ULK4: variants seen among roughly 807,000 people sequenced by gnomAD.
ULK4 encodes inactive serine/threonine-protein kinase ULK4.
In ULK4, 133 loss-of-function variants were observed where a neutral mutation model predicts 160.6. That is an observed-to-expected ratio of 0.83 (90% CI 0.72 to 0.96). The LOEUF is 0.96. Ranked by LOEUF, ULK4 falls within the 40% of genes least tolerant of loss-of-function variation. The probability of loss-of-function intolerance (pLI) is 0.00; values close to 1 mark genes in which losing one functional copy is unlikely to be tolerated. For missense variants in ULK4, 1,580 were observed against 1,499.5 expected (o/e 1.05, Z -0.89); for synonymous variants, 534 against 539.8 (o/e 0.99, Z 0.15).
At chr3:41,560,206 T>C (rs1190594646) in intron 32 of ULK4, among the ~76,000 whole-genome samples, 1 of 152,220 alleles carries the variant, frequency 6.6e-6, no homozygotes, top group Non-Finnish European at 1.5e-5. Context: ...GCCTCTGTTC[T>C]GTTCCATTGG....
At chr3:41,297,311 G>A (rs2079689958) in intron 35 of ULK4, among the ~76,000 whole-genome samples, 1 of 152,168 alleles carries the variant, frequency 6.6e-6, no homozygotes, top group Non-Finnish European at 1.5e-5. Flanking sequence ...GAGGGACATG[G>A]CTTCTTCCTG....
At position 41,564,449 on chromosome 3, in the gene ULK4, C is replaced by CTT. The variant is rs71075476; in HGVS notation, c.3226+1574_3226+1575dup. ...GACAGGGACGTTTCTTCTTCTTCTT[C>CTT]TTTTTTTTTTTTTTTTTTTTTTTTT... On this transcript the variant is annotated intron_variant, in intron 32 of 36. Transcript: ENST00000301831. Among the ~76,000 whole-genome samples the CTT allele has an allele frequency of 1.2e-3, 99 of 80,968 alleles. 4 individuals are homozygous for CTT. The highest frequency in any genetic ancestry group is 4.3e-3 in the East Asian group (10 of 2,328). The allele number at this position is 80,968 out of a possible 152,430, so 53.1% of individuals were successfully genotyped here. A position where few individuals can be genotyped will look rare whatever the true frequency, so the allele number is the denominator to read the frequency against.
intron 32 of ULK4, among the ~76,000 whole-genome samples, chr3:41,508,804 G>A (rs1474416690): frequency 6.6e-6 from 1 of 152,054 alleles, no homozygotes; most frequent in Non-Finnish European, 1.5e-5. Flanking sequence ...CACCCTGTGG[G>A]ACAAAAGAAT....
chr3:41,521,021 G>A (rs2085913712), intron 32 of ULK4, among the ~76,000 whole-genome samples: 1 of 152,104 alleles, frequency 6.6e-6, no homozygotes, highest in African/African-American at 2.4e-5. Flanking sequence ...AAGGAGCTGT[G>A]CCTTTTCCAC....
chr3:41,777,301 ATTC>A (rs1165796897), intron 21 of ULK4, among the ~76,000 whole-genome samples: 1 of 76,548 alleles, frequency 1.3e-5, no homozygotes, highest in Non-Finnish European at 2.2e-5. Flanking sequence ...TGTCTATTTG[ATTC>A]TTCTCTCTTT....
intron 31 of ULK4, among the ~76,000 whole-genome samples, chr3:41,573,152 A>C (rs2088062548): frequency 6.6e-6 from 1 of 152,242 alleles, no homozygotes; most frequent in African/African-American, 2.4e-5. Flanking sequence ...ATTAGAATTA[A>C]AGCAGCAAAA....
At chr3:41,863,269 T>C (rs1018365487) in intron 17 of ULK4, among the ~76,000 whole-genome samples, 1 of 152,154 alleles carries the variant, frequency 6.6e-6, no homozygotes, top group Admixed American at 6.5e-5. Context: ...ACCACTGATG[T>C]TCCCTTAAGG....
chr3:41,481,784 G>A (rs1286726735), intron 32 of ULK4, among the ~76,000 whole-genome samples: 12 of 129,210 alleles, frequency 9.3e-5, no homozygotes, highest in African/African-American at 2.4e-4. Flanking sequence ...CCGAGATCCC[G>A]CCACTGCACT....
intron 35 of ULK4, among the ~76,000 whole-genome samples, chr3:41,315,465 A>C (rs935418405): frequency 1.3e-5 from 2 of 152,276 alleles, no homozygotes; most frequent in Admixed American, 1.3e-4. Flanking sequence ...AGAAACAAGC[A>C]TAACTTGTAG....
chr3:41,247,573 GACTGCACAGAA>G (rs2078667430), intron 36 of ULK4, among the ~76,000 whole-genome samples: 1 of 150,630 alleles, frequency 6.6e-6, no homozygotes, highest in Non-Finnish European at 1.5e-5. Context: ...GCACACTCTT[GACTGCACAGAA>G]ATAGAGCTGG....
At chr3:41,265,726 T>C (rs2079020112) in intron 35 of ULK4, among the ~76,000 whole-genome samples, 1 of 152,138 alleles carries the variant, frequency 6.6e-6, no homozygotes, top group African/African-American at 2.4e-5. Flanking sequence ...GATCTCACCC[T>C]TCCCTCCCTA....
intron 27 of ULK4, among the ~76,000 whole-genome samples, chr3:41,685,834 C>A (rs1387148830): frequency 4.6e-5 from 7 of 152,072 alleles, no homozygotes; most frequent in Admixed American, 4.6e-4. Flanking sequence ...TCCAGTGAAG[C>A]CTTGTATGGG....
Position 41,715,287 on chromosome 3 carries a change from G to C in ULK4, c.2584C>G (p.Arg862Gly). ...AACTCTTCTGTCACAACTTGAGGTC[G>C]AAATACCTGTGTGATGAGAGTTTCT... ...VLHLVTSQVF[R>G]PQVVTEEFLF... is the part of the protein sequence containing the mutation. Residue 862 changes from arginine (R) to glycine (G), a missense_variant, in exon 25 of 37, where the codon CGA (arginine) becomes GGA (glycine). By Grantham distance (125) the Arg-to-Gly change is moderately radical. Coordinates refer to ENST00000301831, the MANE Select transcript of ULK4 (RefSeq NM_017886.4). The C allele has an allele frequency of 3.7e-6, 6 of 1,613,764 alleles. No individual in the cohort carries two copies. Among genetic ancestry groups the C allele is most frequent in the Non-Finnish European group, 5.1e-6 (6 of 1,179,978 alleles).
intron 30 of ULK4, among the ~76,000 whole-genome samples, chr3:41,655,748 G>A (rs886851204): frequency 6.6e-6 from 1 of 151,890 alleles, no homozygotes; most frequent in African/African-American, 2.4e-5. Context: ...TTTCATCAAA[G>A]GAAATATTTT....
chr3:41,315,208 TTGGA>T (rs2080123836), intron 35 of ULK4, among the ~76,000 whole-genome samples: 1 of 152,168 alleles, frequency 6.6e-6, no homozygotes, highest in South Asian at 2.1e-4. Flanking sequence ...ATATATTATT[TTGGA>T]TGAAGTTCTC....
intron 17 of ULK4, among the ~76,000 whole-genome samples, chr3:41,862,221 A>C (rs767509316): frequency 6.9e-6 from 1 of 145,360 alleles, no homozygotes; most frequent in Non-Finnish European, 1.5e-5. Flanking sequence ...TTTCAGCTTC[A>C]GAATTTCTGC....
chr3:41,574,515 C>T (rs1056921531), intron 31 of ULK4, among the ~76,000 whole-genome samples: 14 of 147,568 alleles, frequency 9.5e-5, no homozygotes, highest in Non-Finnish European at 7.5e-5. Context: ...ACCTCCACTA[C>T]TGCTACCAGA....
chr3:41,597,107 C>T (rs2031745292), intron 31 of ULK4, among the ~76,000 whole-genome samples: 2 of 152,140 alleles, frequency 1.3e-5, no homozygotes, highest in Admixed American at 1.3e-4. Flanking sequence ...AAGTAAAGTC[C>T]TGTGAGGACC....
chr3:41,375,444 G>A (rs1027099366), intron 35 of ULK4, among the ~76,000 whole-genome samples: 20 of 149,954 alleles, frequency 1.3e-4, no homozygotes, highest in Non-Finnish European at 1.3e-4. Flanking sequence ...ATAGACCAAT[G>A]GAACAGAACA....
Sources: gnomAD v4.1 joint callset for allele counts (sites outside exome capture counted in the v4.1 genomes callset) on GRCh38, gnomAD v4.1.1 for gene constraint, MANE v1.5 for transcripts, NCBI Gene and HGNC (gene_info 2026-07-23, HGNC 2026-07-21) for gene names.